Variants in TRDN observed in about 807,000 individuals in gnomAD.
The protein encoded by TRDN is triadin, also known as triadin in skeletal muscle.
TRDN carries 161 observed loss-of-function variants against 149.7 expected under a neutral mutation model. The ratio of observed to expected loss-of-function variants is 1.08; its 90% CI spans 0.95 to 1.23. TRDN has a LOEUF of 1.23. Among genes scored for constraint, TRDN ranks in the 50% most tolerant of loss-of-function variants. TRDN has a pLI of 0.00. For missense variants in TRDN, 896 were observed against 823.5 expected (o/e 1.09, Z -1.08); for synonymous variants, 294 against 250.5 (o/e 1.17, Z -1.64).
chr6:123,224,068 A>T, intron 39 of TRDN, 25 bp downstream of exon 39: 1 of 1,605,688 alleles, frequency 6.2e-7, no homozygotes, highest in East Asian at 2.2e-5. Context: ...AAAACTTGTA[A>T]ATGATCCAAA....
At chr6:123,235,757 A>T (rs1396214558) in intron 38 of TRDN, among the ~76,000 whole-genome samples, 3 of 152,154 alleles carry the variant, frequency 2.0e-5, no homozygotes, top group Non-Finnish European at 4.4e-5. Context: ...GCAACTACTG[A>T]GCTGTAACCC....
At chr6:123,461,399 C>T (rs1263135712) in intron 10 of TRDN, among the ~76,000 whole-genome samples, 1 of 152,156 alleles carries the variant, frequency 6.6e-6, no homozygotes, top group African/African-American at 2.4e-5. Flanking sequence ...ATTCACCTTT[C>T]TCTATTCGAC....
intron 1 of TRDN, 23 bp downstream of exon 1, chr6:123,636,731 C>A: frequency 6.2e-7 from 1 of 1,610,718 alleles, no homozygotes. Flanking sequence ...TTACTTGATA[C>A]TATCGGAAAA....
At chr6:123,289,996 G>T (rs1371711928) in intron 24 of TRDN, among the ~76,000 whole-genome samples, 1 of 152,132 alleles carries the variant, frequency 6.6e-6, no homozygotes, top group Non-Finnish European at 1.5e-5. Context: ...GTCTTGCTCA[G>T]GTAAGTTTAC....
chr6:123,352,725 T>A (rs1432678183), intron 20 of TRDN, 139 bp from the exon 21 acceptor site: 1 of 1,220,048 alleles, frequency 8.2e-7, no homozygotes, highest in African/African-American at 1.5e-5. Context: ...ACATTTCTCA[T>A]TTCTCTATAA....
intron 21 of TRDN, chr6:123,350,508 TA>T (rs1780421737): frequency 1.6e-6 from 1 of 620,550 alleles, no homozygotes; most frequent in Non-Finnish European, 2.0e-6. Flanking sequence ...TGAAGATAAC[TA>T]AAAACTATGT....
At position 123,503,429 on chromosome 6, in the gene TRDN, A is replaced by G. The variant is rs538712373; in HGVS notation, c.793+290T>C. ...CTCTTAATAGACATTCCATATCTCA[A>G]AAATTCAACATTTATCCCCAATCTT... On this transcript the variant is annotated intron_variant, in intron 8 of 40. Transcript: ENST00000334268. The G allele has an allele frequency of 6.3e-4, 616 of 985,322 alleles. 8 individuals carry two copies. The South Asian group carries it at 0.026, about 41-fold the overall frequency. 61.0% of individuals were successfully genotyped at this position (985,322 alleles called of 1,614,324 possible). A position where few individuals can be genotyped will look rare whatever the true frequency, so the allele number is the denominator to read the frequency against.
rs1334969355 is a variant in TRDN, at chr6:123,492,865, A to G, written c.853+4328T>C. Among the ~76,000 whole-genome samples the G allele has an allele frequency of 2.6e-5, 4 of 152,100 alleles. No homozygotes were observed. The East Asian group carries it at 7.7e-4, about 29-fold the overall frequency. On this transcript the variant is annotated intron_variant, in intron 9 of 40. Coordinates refer to ENST00000334268, the MANE Select transcript of TRDN (RefSeq NM_006073.4). Reference sequence around the variant, plus strand: ...GTAGACTACTTTAAGCCCTAGGAAAAAAAGTGGAGGTTAATCAGTTTCAAG... The same window carrying G: ...GTAGACTACTTTAAGCCCTAGGAAAGAAAGTGGAGGTTAATCAGTTTCAAG...
At chr6:123,364,322 G>C (rs1781008355) in intron 20 of TRDN, among the ~76,000 whole-genome samples, 1 of 152,112 alleles carries the variant, frequency 6.6e-6, no homozygotes, top group Non-Finnish European at 1.5e-5. Flanking sequence ...CACAAACATG[G>C]ATTCACTAAG....
intron 25 of TRDN, 114 bp downstream of exon 25, chr6:123,278,942 T>C (rs985428923): frequency 1.1e-5 from 11 of 1,006,664 alleles, no homozygotes; most frequent in Non-Finnish European, 1.4e-5. Context: ...CCTTTGACTT[T>C]AAGCAAAATA....
intron 12 of TRDN, among the ~76,000 whole-genome samples, chr6:123,433,655 T>C (rs1174999321): frequency 2.0e-5 from 3 of 152,142 alleles, no homozygotes; most frequent in African/African-American, 4.8e-5. Context: ...AAAAATCCTA[T>C]TGGAAAGTGT....
At chr6:123,604,783 T>C (rs932190422) in intron 1 of TRDN, among the ~76,000 whole-genome samples, 2 of 151,798 alleles carry the variant, frequency 1.3e-5, no homozygotes, top group Non-Finnish European at 2.9e-5. Context: ...GTGGGGAAGG[T>C]CAATGATTTG....
chr6:123,537,668 ACT>A (rs1389132591), intron 4 of TRDN, among the ~76,000 whole-genome samples: 1 of 152,042 alleles, frequency 6.6e-6, no homozygotes, highest in African/African-American at 2.4e-5. Flanking sequence ...TTTTCCCCAG[ACT>A]CTCTGAGCTC....
chr6:123,408,195 GT>G (rs1461331070), intron 12 of TRDN, among the ~76,000 whole-genome samples: 1 of 152,150 alleles, frequency 6.6e-6, no homozygotes, highest in Non-Finnish European at 1.5e-5. Context: ...AATACCATGT[GT>G]TTAGTGCTAT....
chr6:123,512,677 C>CA (rs1157283777), intron 6 of TRDN, among the ~76,000 whole-genome samples: 1 of 151,972 alleles, frequency 6.6e-6, no homozygotes, highest in Non-Finnish European at 1.5e-5. Context: ...AAGAATTTGT[C>CA]AAAAAATATG....
At chr6:123,320,664 G>A (rs559881455) in intron 23 of TRDN, among the ~76,000 whole-genome samples, 1 of 152,176 alleles carries the variant, frequency 6.6e-6, no homozygotes, top group East Asian at 1.9e-4. Flanking sequence ...GCTACTGATA[G>A]AATTAAAAGC....
chr6:123,252,356 T>G (rs568405922), intron 38 of TRDN, 56 bp downstream of exon 38: 3 of 1,079,014 alleles, frequency 2.8e-6, no homozygotes, highest in African/African-American at 3.2e-5. Flanking sequence ...GAATTTCATC[T>G]TAAAATTGAT....
intron 10 of TRDN, among the ~76,000 whole-genome samples, chr6:123,448,108 G>A (rs1189635008): frequency 1.3e-5 from 2 of 152,202 alleles, no homozygotes; most frequent in Non-Finnish European, 1.5e-5. Context: ...TCCCCTAGCA[G>A]GCCATTCCTG....
Position 123,501,791 on chromosome 6 carries a change from C to T in TRDN, c.793+1928G>A, listed in dbSNP as rs1396081459. The T allele has an allele frequency of 9.5e-6, 8 of 840,650 alleles. No homozygotes were observed. The African/African-American group carries it at 1.5e-4, about 15-fold the overall frequency. The allele number at this position is 840,650 out of a possible 1,614,324, so 52.1% of individuals were successfully genotyped here. A position where few individuals can be genotyped will look rare whatever the true frequency, so the allele number is the denominator to read the frequency against. On this transcript the variant is annotated intron_variant, in intron 8 of 40. Coordinates refer to ENST00000334268, the MANE Select transcript of TRDN (RefSeq NM_006073.4). The stretch of plus-strand genomic sequence containing the variant: ...ATGTCCTTTTAATAGATAAATAACT[C>T]TTTGTGTAGAAATAAAAATAGTAGA...
Sources: allele counts gnomAD v4.1 joint callset (sites outside exome capture counted in the v4.1 genomes callset), GRCh38; gene constraint gnomAD v4.1.1; transcripts MANE v1.5; gene names NCBI Gene and HGNC (gene_info 2026-07-23, HGNC 2026-07-21).